The following APP variants were observed in gnomAD, a reference collection of about 807,000 sequenced individuals.
The protein encoded by APP is amyloid-beta precursor protein.
In APP, 31 loss-of-function variants were observed where a neutral mutation model predicts 101.4. The ratio of observed to expected loss-of-function variants is 0.31; its 90% CI spans 0.23 to 0.41. APP has a LOEUF of 0.41. Ranked by LOEUF, APP falls within the 10% of genes least tolerant of loss-of-function variation. The probability of loss-of-function intolerance (pLI) is 1.00; values close to 1 mark genes in which losing one functional copy is unlikely to be tolerated. For synonymous variants in APP, 366 were observed against 364.4 expected, an observed-to-expected ratio of 1.00 and a Z score of -0.05; for missense variants, 839 against 1,003.7, an observed-to-expected ratio of 0.84 and a Z score of 2.22.
chr21:26,162,232 G>C (rs1399804839), intron 1 of APP, among the ~76,000 whole-genome samples: 1 of 152,188 alleles, frequency 6.6e-6, no homozygotes, highest in Non-Finnish European at 1.5e-5. Flanking sequence ...TGGAGGCTGG[G>C]GCAGGAAGAT....
At chr21:25,968,322 CTTTTT>C (rs34021818) in intron 11 of APP, among the ~76,000 whole-genome samples, 1 of 113,858 alleles carries the variant, frequency 8.8e-6, no homozygotes, top group Admixed American at 9.4e-5. Flanking sequence ...TTAAAAAAAT[CTTTTT>C]TTTTTTTTTT....
Position 25,887,517 on chromosome 21 carries a change from G to GAAA in APP, c.2211+4202_2211+4204dup, listed in dbSNP as rs199637906. On this transcript the variant is annotated intron_variant, in intron 17 of 17. Coordinates refer to ENST00000346798, the MANE Select transcript of APP (RefSeq NM_000484.4). ...GTAAGTCAATATTTCCTGCTTATTT[G>GAAA]AAAAAAAAAAAAAAAAAAAAAAACA... Among the ~76,000 whole-genome samples the GAAA allele has an allele frequency of 3.9e-3, 449 of 114,326 alleles. 7 individuals are homozygous for GAAA. The highest frequency in any genetic ancestry group is 0.011 in the African/African-American group (322 of 30,060). The allele number at this position is 114,326 out of a possible 152,430, so 75.0% of individuals were successfully genotyped here.
rs1225614914 is a variant in APP, at chr21:26,056,630, C to T, written c.356-3282G>A. 2.8e-5 allele frequency among the ~76,000 whole-genome samples: 4 copies of T among 140,538 alleles called. No homozygotes were observed. In the East Asian group the frequency reaches 6.9e-4, roughly 24 times the overall value. 92.2% of individuals were successfully genotyped at this position (140,538 alleles called of 152,430 possible). A position where few individuals can be genotyped will look rare whatever the true frequency, so the allele number is the denominator to read the frequency against. On this transcript the variant is annotated intron_variant, in intron 3 of 17. Coordinates refer to ENST00000346798, the MANE Select transcript of APP (RefSeq NM_000484.4). Reference sequence around the variant, plus strand: ...TGTTCATTATGTTTATAAGTGGTTACTGAACTTTCTAACTTGCAAAACATT... The same window carrying T: ...TGTTCATTATGTTTATAAGTGGTTATTGAACTTTCTAACTTGCAAAACATT...
At chr21:26,011,651 C>T (rs540680371) in intron 6 of APP, among the ~76,000 whole-genome samples, 82 of 152,206 alleles carry the variant, frequency 5.4e-4, no homozygotes, top group Admixed American at 1.2e-3. Context: ...CAGAAGGATT[C>T]GTGATGCATT....
chr21:25,958,863 G>C (rs930087597), intron 11 of APP, among the ~76,000 whole-genome samples: 1 of 151,946 alleles, frequency 6.6e-6, no homozygotes, highest in Non-Finnish European at 1.5e-5. Flanking sequence ...AATGCTTTTT[G>C]CTGGTAACTC....
intron 5 of APP, among the ~76,000 whole-genome samples, chr21:26,042,416 T>C (rs947778679): frequency 6.6e-6 from 1 of 152,350 alleles, no homozygotes; most frequent in Non-Finnish European, 1.5e-5. Context: ...TGACAAGTTT[T>C]CACTAACTAC....
chr21:26,055,126 T>C (rs1293688363), intron 3 of APP, among the ~76,000 whole-genome samples: 1 of 152,136 alleles, frequency 6.6e-6, no homozygotes, highest in Admixed American at 6.5e-5. Flanking sequence ...TTGCAGGGAA[T>C]GCAAAAATTA....
intron 16 of APP, among the ~76,000 whole-genome samples, chr21:25,894,329 T>TA (rs1240701364): frequency 6.6e-6 from 1 of 152,180 alleles, no homozygotes; most frequent in Non-Finnish European, 1.5e-5. Context: ...ATATTTCAAA[T>TA]ATATTTTGTA....
In APP at chr21:26,121,771, G is replaced by A. The variant is rs192376256; in HGVS notation, c.58-9625C>T. Among the ~76,000 whole-genome samples, 37 of 152,290 alleles carry A rather than the reference G, an allele frequency of 2.4e-4. No individual in the cohort carries two copies. In the East Asian group the frequency reaches 6.4e-3, roughly 26 times the overall value. ...GAGTTTTCTAGAGTTTAAGGCTTAC[G>A]CTAATATGCTTAATGCACAAGTAAG... On this transcript the variant is annotated intron_variant, in intron 1 of 17. Coordinates refer to ENST00000346798, the MANE Select transcript of APP (RefSeq NM_000484.4).
chr21:26,051,139 C>T lies in APP; in HGVS notation c.523G>A (p.Gly175Arg), dbSNP rs201817335. The change falls in exon 5 of 18, where the codon GGA (glycine) becomes AGA (arginine). Residue 175 changes from glycine to arginine, a missense_variant. Coordinates refer to ENST00000346798, the MANE Select transcript of APP (RefSeq NM_000484.4). ...LHDYGMLLPC[G>R]IDKFRGVEFV... ...TCTACCCCTCGGAACTTGTCAATTC[C>T]GCAGGGCAGCAACATGCCGTAGTCA... is the stretch of plus-strand genomic sequence containing the variant. 7 of 1,614,114 alleles carry T rather than the reference C, an allele frequency of 4.3e-6. No individual in the cohort carries two copies. The highest frequency in any genetic ancestry group is 1.1e-5 in the South Asian group (1 of 91,072).
intron 7 of APP, among the ~76,000 whole-genome samples, chr21:25,999,603 G>C (rs1202827223): frequency 6.6e-6 from 1 of 152,204 alleles, no homozygotes; most frequent in Non-Finnish European, 1.5e-5. Flanking sequence ...GGCTTCCAGT[G>C]GTAGACAGTA....
intron 5 of APP, among the ~76,000 whole-genome samples, chr21:26,038,772 A>AC (rs534133201): frequency 4.2e-4 from 64 of 152,198 alleles, no homozygotes; most frequent in African/African-American, 1.3e-3. Context: ...AAACAAACAA[A>AC]AAAAACATCC....
intron 11 of APP, among the ~76,000 whole-genome samples, chr21:25,958,167 T>TC (rs2041408505): frequency 6.6e-6 from 1 of 152,166 alleles, no homozygotes; most frequent in African/African-American, 2.4e-5. Flanking sequence ...CATTACTACT[T>TC]CAAGCTAAAT....
chr21:26,064,796 T>C (rs1481029239), intron 3 of APP, among the ~76,000 whole-genome samples: 3 of 152,222 alleles, frequency 2.0e-5, no homozygotes, highest in African/African-American at 7.2e-5. Flanking sequence ...AGATAAGGAA[T>C]GGCTCTCTGG....
At chr21:25,938,112 C>T (rs1054437797) in intron 13 of APP, among the ~76,000 whole-genome samples, 3 of 152,088 alleles carry the variant, frequency 2.0e-5, no homozygotes, top group Non-Finnish European at 4.4e-5. Flanking sequence ...AGTTAATGGA[C>T]ATTAATAAGC....
Position 25,927,112 on chromosome 21 carries a change from C to T in APP, c.1688-15150G>A, listed in dbSNP as rs113541328. Among the ~76,000 whole-genome samples, 766 of 151,168 alleles carry T rather than the reference C, an allele frequency of 5.1e-3. 7 individuals are homozygous for T. Among genetic ancestry groups the T allele is most frequent in the African/African-American group, 0.015 (607 of 41,128 alleles). On this transcript the variant is annotated intron_variant, in intron 13 of 17. Coordinates refer to ENST00000346798, the MANE Select transcript of APP (RefSeq NM_000484.4). ...TGATAGGTTTGAAAAAGAATGAATT[C>T]GACGGTATCTTTTAGAAGCCAGGAT...
At chr21:26,099,913 T>C (rs766174940) in intron 2 of APP, among the ~76,000 whole-genome samples, 12 of 152,234 alleles carry the variant, frequency 7.9e-5, no homozygotes, top group Non-Finnish European at 1.8e-4. Flanking sequence ...TTCCCAATAA[T>C]CTGGCCAAAC....
At chr21:25,981,145 T>A (rs757655754) in intron 9 of APP, among the ~76,000 whole-genome samples, 1 of 152,114 alleles carries the variant, frequency 6.6e-6, no homozygotes, top group Non-Finnish European at 1.5e-5. Flanking sequence ...GGGCCATTCA[T>A]TTGGCCCTGG....
At chr21:25,949,159 T>G (rs1047931329) in intron 13 of APP, among the ~76,000 whole-genome samples, 1 of 152,082 alleles carries the variant, frequency 6.6e-6, no homozygotes, top group Non-Finnish European at 1.5e-5. Flanking sequence ...TAAAATTGAA[T>G]GAAAAAAATA....
Sources: gnomAD v4.1 joint callset for allele counts (sites outside exome capture counted in the v4.1 genomes callset) on GRCh38, gnomAD v4.1.1 for gene constraint, MANE v1.5 for transcripts, NCBI Gene and HGNC (gene_info 2026-07-23, HGNC 2026-07-21) for gene names.